The following B4GALT5 variants were observed in gnomAD, a reference collection of about 807,000 sequenced individuals.
B4GALT5 encodes the protein UDP-Gal:beta-GlcNAc beta-1,4-galactosyltransferase 5.
B4GALT5 carries 11 observed loss-of-function variants against 45.0 expected under a neutral mutation model. The ratio of observed to expected loss-of-function variants is 0.24; its 90% CI spans 0.15 to 0.40. The LOEUF (loss-of-function observed/expected upper bound fraction) is 0.40, where lower values mean the gene tolerates loss of function less well. Ranked by LOEUF, B4GALT5 falls within the 10% of genes least tolerant of loss-of-function variation. B4GALT5 has a pLI of 1.00. For synonymous variants in B4GALT5, 185 were observed against 182.9 expected, an observed-to-expected ratio of 1.01 and a Z score of -0.09; for missense variants, 337 against 500.2, an observed-to-expected ratio of 0.67 and a Z score of 3.11.
Position 49,637,448 on chromosome 20 carries a change from C to A in B4GALT5, c.918-6G>T. On this transcript the variant is annotated splice_polypyrimidine_tract_variant and splice_region_variant and intron_variant, in intron 7 of 8. Coordinates refer to ENST00000371711, the MANE Select transcript of B4GALT5 (RefSeq NM_004776.4). The stretch of plus-strand genomic sequence containing the variant: ...AATAGCCTGCATTCTGTACTCTGTC[C>A]AAGACCAAGAGAACAGGCTTTTAGA... The A allele has an allele frequency of 6.2e-7, 1 of 1,609,240 alleles. No homozygotes were observed. Among genetic ancestry groups the A allele is most frequent in the South Asian group, 1.1e-5 (1 of 90,976 alleles).
intron 1 of B4GALT5, among the ~76,000 whole-genome samples, chr20:49,695,830 A>G (rs2085837488): frequency 6.6e-6 from 1 of 152,110 alleles, no homozygotes; most frequent in East Asian, 1.9e-4. Flanking sequence ...ATACCTTTCT[A>G]AAGGGTGGGG....
intron 1 of B4GALT5, among the ~76,000 whole-genome samples, chr20:49,668,646 C>T (rs1324442086): frequency 3.9e-5 from 6 of 152,026 alleles, no homozygotes; most frequent in Non-Finnish European, 8.8e-5. Context: ...TGGGAATGTG[C>T]TAGAGGCACA....
chr20:49,658,412 G>A (rs1013433964), intron 1 of B4GALT5, among the ~76,000 whole-genome samples: 1 of 152,024 alleles, frequency 6.6e-6, no homozygotes, highest in African/African-American at 2.4e-5. Flanking sequence ...TTAATCATTT[G>A]GGCTGTGCAG....
Position 49,636,402 on chromosome 20 carries a change from C to T in B4GALT5, c.1077G>A (p.Leu359=). 3 of 1,614,132 alleles carry T rather than the reference C, an allele frequency of 1.9e-6. No individual in the cohort carries two copies. The highest frequency in any genetic ancestry group is 2.5e-6 in the Non-Finnish European group (3 of 1,180,026). ...ERQGLDGLNN[L]NYFANITYDA... is the part of the protein sequence containing the mutation. ...CGTATGTGATGTTTGCAAAGTAGTTCAGGTTGTTGAGGCCATCCAGCCCTT... is the reference window on the plus strand; with the variant it reads ...CGTATGTGATGTTTGCAAAGTAGTTTAGGTTGTTGAGGCCATCCAGCCCTT... Residue 359 remains leucine, a synonymous_variant, in exon 9 of 9, where the codon CTG becomes CTA. Coordinates refer to ENST00000371711, the MANE Select transcript of B4GALT5 (RefSeq NM_004776.4).
chr20:49,691,482 A>G (rs184368779), intron 1 of B4GALT5, among the ~76,000 whole-genome samples: 75 of 152,212 alleles, frequency 4.9e-4, no homozygotes, highest in African/African-American at 1.6e-3. Context: ...TGATTGCCAC[A>G]CTGCACTCCA....
chr20:49,660,521 A>G (rs1414151193), intron 1 of B4GALT5, among the ~76,000 whole-genome samples: 9 of 152,214 alleles, frequency 5.9e-5, no homozygotes, highest in Admixed American at 5.9e-4. Context: ...ATCTTTGCTG[A>G]ATGTTGTTGG....
chr20:49,665,823 G>C (rs2085688004), intron 1 of B4GALT5, among the ~76,000 whole-genome samples: 2 of 151,200 alleles, frequency 1.3e-5, no homozygotes, highest in Admixed American at 1.3e-4. Flanking sequence ...CACTGAAGCA[G>C]GAGAGGGAGC....
chr20:49,666,854 G>A (rs545651040), intron 1 of B4GALT5, among the ~76,000 whole-genome samples: 1 of 152,154 alleles, frequency 6.6e-6, no homozygotes, highest in Non-Finnish European at 1.5e-5. Context: ...GATGATCAGT[G>A]TTCACTGCTC....
chr20:49,686,500 T>C (rs764765595), intron 1 of B4GALT5, among the ~76,000 whole-genome samples: 5 of 151,976 alleles, frequency 3.3e-5, no homozygotes, highest in Non-Finnish European at 7.4e-5. Context: ...AAGTTCCCAA[T>C]TCACAGATGG....
intron 1 of B4GALT5, among the ~76,000 whole-genome samples, chr20:49,694,658 A>AGGAAAGGGAAAG (rs141210680): frequency 0.2 from 27,870 of 142,642 alleles, 2,901 homozygotes; most frequent in East Asian, 0.27. Context: ...GAAAGGGAAA[A>AGGAAAGGGAAAG]GGAAAGGGAA....
chr20:49,679,179 T>C (rs2085753723), intron 1 of B4GALT5, among the ~76,000 whole-genome samples: 1 of 152,220 alleles, frequency 6.6e-6, no homozygotes, highest in African/African-American at 2.4e-5. Flanking sequence ...GAAACCAGAC[T>C]GAACTGTGGC....
chr20:49,650,120 A>T (rs1167645497), intron 2 of B4GALT5, among the ~76,000 whole-genome samples: 1 of 152,142 alleles, frequency 6.6e-6, no homozygotes, highest in Non-Finnish European at 1.5e-5. Flanking sequence ...AAGATAGATA[A>T]ATTCCTTTCT....
chr20:49,657,466 G>A (rs756635856), intron 1 of B4GALT5, among the ~76,000 whole-genome samples: 77 of 152,118 alleles, frequency 5.1e-4, no homozygotes, highest in Non-Finnish European at 1.6e-4. Context: ...TCACAAACAC[G>A]TCAAAATGTA....
At chr20:49,654,793 G>T (rs1452173543) in intron 2 of B4GALT5, among the ~76,000 whole-genome samples, 2 of 152,038 alleles carry the variant, frequency 1.3e-5, no homozygotes, top group African/African-American at 4.8e-5. Context: ...TAAAATATTG[G>T]GCTTAGACGA....
intron 2 of B4GALT5, among the ~76,000 whole-genome samples, chr20:49,654,972 A>G (rs758632667): frequency 1.6e-4 from 25 of 152,036 alleles, no homozygotes; most frequent in Non-Finnish European, 2.4e-4. Context: ...CATGTCTACA[A>G]ACAATACAAA....
intron 1 of B4GALT5, among the ~76,000 whole-genome samples, chr20:49,659,829 A>C (rs1034980948): frequency 6.8e-6 from 1 of 147,332 alleles, no homozygotes; most frequent in Non-Finnish European, 1.5e-5. Context: ...TTTTTTTTTG[A>C]GACAGAGTCT....
intron 2 of B4GALT5, among the ~76,000 whole-genome samples, chr20:49,651,642 C>T (rs2085623337): frequency 6.6e-6 from 1 of 152,110 alleles, no homozygotes; most frequent in Non-Finnish European, 1.5e-5. Flanking sequence ...CAGACTCCTA[C>T]CTACAGGTTC....
At chr20:49,645,993 C>A (rs2085597558) in intron 3 of B4GALT5, among the ~76,000 whole-genome samples, 1 of 152,104 alleles carries the variant, frequency 6.6e-6, no homozygotes, top group African/African-American at 2.4e-5. Context: ...CAAGACCAGC[C>A]TGGGCAACAT....
At chr20:49,647,172 A>C in intron 2 of B4GALT5, 94 bp from the exon 3 acceptor site, 1 of 735,560 alleles carries the variant, frequency 1.4e-6, no homozygotes, top group East Asian at 2.7e-5. Context: ...TCTCTTAGCT[A>C]TCATCTTGGT....
Sources: allele counts gnomAD v4.1 joint callset (sites outside exome capture counted in the v4.1 genomes callset), GRCh38; gene constraint gnomAD v4.1.1; transcripts MANE v1.5; gene names NCBI Gene and HGNC (gene_info 2026-07-23, HGNC 2026-07-21).